Variants in KNDC1 observed in about 807,000 individuals in gnomAD.
KNDC1 encodes the protein kinase non-catalytic C-lobe domain containing 1.
Under a neutral mutation model 172.8 loss-of-function variants are expected in KNDC1, and 106 were observed. That is an observed-to-expected ratio of 0.61 (90% CI 0.52 to 0.72). The LOEUF (loss-of-function observed/expected upper bound fraction) is 0.72, where lower values mean the gene tolerates loss of function less well. Among genes scored for constraint, KNDC1 ranks in the 30% least tolerant of loss-of-function variants. KNDC1 has a pLI of 0.00. For synonymous variants in KNDC1, 1,083 were observed against 1,062.2 expected (o/e 1.02, Z -0.38); for missense variants, 2,325 against 2,394.5 (o/e 0.97, Z 0.61).
chr10:133,193,213 C>G lies in KNDC1; in HGVS notation c.1576-2450C>G, dbSNP rs932895155. Among the ~76,000 whole-genome samples the G allele has an allele frequency of 3.3e-5, 5 of 152,260 alleles. No individual in the cohort carries two copies. The South Asian group carries it at 1.0e-3, about 32-fold the overall frequency. ...TTTCAACCCAGAAACCTATTTCCAG[C>G]AAAAATATCCTTCAGAAATTAAGGA... On this transcript the variant is annotated intron_variant, in intron 9 of 29. Transcript: ENST00000304613.
chr10:133,214,683 T>C (rs1370468796), intron 26 of KNDC1, among the ~76,000 whole-genome samples: 1 of 152,202 alleles, frequency 6.6e-6, no homozygotes, highest in Non-Finnish European at 1.5e-5. Flanking sequence ...CATTGTGGGT[T>C]CTTAGTCTGT....
intron 3 of KNDC1, among the ~76,000 whole-genome samples, chr10:133,170,115 G>A (rs190672967): frequency 3.2e-4 from 49 of 152,338 alleles, no homozygotes; most frequent in Non-Finnish European, 4.7e-4. Context: ...TATCCCGTCG[G>A]GTGAAACGCT....
In KNDC1 at chr10:133,226,087, G is replaced by C. The variant is rs752822130; in HGVS notation, c.*1197G>C. The C allele has an allele frequency of 6.6e-6, 1 of 152,244 alleles. No homozygotes were observed. The highest frequency in any genetic ancestry group is 2.4e-5 in the African/African-American group (1 of 41,466). 9.4% of individuals were successfully genotyped at this position (152,244 alleles called of 1,614,324 possible). On this transcript the variant is annotated 3_prime_UTR_variant, in exon 30 of 30. Transcript: ENST00000304613. ...GGAAAACTGTGACCTGTGACAAATCGCTGCATTTTTAATGTCAAGATGTGT... is the reference window on the plus strand; with the variant it reads ...GGAAAACTGTGACCTGTGACAAATCCCTGCATTTTTAATGTCAAGATGTGT...
chr10:133,165,453 C>T (rs1192079979), intron 1 of KNDC1, among the ~76,000 whole-genome samples: 2 of 152,108 alleles, frequency 1.3e-5, no homozygotes, highest in Non-Finnish European at 2.9e-5. Flanking sequence ...CTGTGAGTGA[C>T]AGCCAGAGGC....
chr10:133,222,456 T>C (rs1383531162), intron 29 of KNDC1, among the ~76,000 whole-genome samples: 41 of 84,836 alleles, frequency 4.8e-4, no homozygotes, highest in African/African-American at 1.4e-3. Context: ...CGTGTGTGTG[T>C]GTGTGTGAGA....
chr10:133,165,487 G>A (rs546479916), intron 1 of KNDC1, among the ~76,000 whole-genome samples: 4 of 152,176 alleles, frequency 2.6e-5, no homozygotes, highest in South Asian at 2.1e-4. Flanking sequence ...GCAGGGGGAC[G>A]GGGACCGGCT....
At chr10:133,196,081 C>T (rs1007352675) in intron 10 of KNDC1, among the ~76,000 whole-genome samples, 8 of 152,224 alleles carry the variant, frequency 5.3e-5, no homozygotes, top group South Asian at 2.1e-4. Flanking sequence ...GTTCCTCCTG[C>T]GGAGCCCGCT....
chr10:133,198,843 G>A lies in KNDC1; in HGVS notation c.2335G>A (p.Gly779Ser), dbSNP rs574241324. ...AGAGGGGGCCTCATCGGCAGCTCCC[G>A]GCTCTCCAGTCCCCGCCCCGCCCAC... ...QPEGASSAAP[G>S]SPVPAPPTKA... Residue 779 changes from glycine (G) to serine (S), a missense_variant, in exon 14 of 30, where the codon GGC becomes AGC. By Grantham distance (56) the Gly-to-Ser change is moderately conservative (BLOSUM62 0). Coordinates refer to ENST00000304613, the MANE Select transcript of KNDC1 (RefSeq NM_152643.8). 182 of 1,599,156 alleles carry A rather than the reference G, an allele frequency of 1.1e-4. No homozygotes were observed. In the South Asian group the frequency reaches 1.1e-3, roughly 10 times the overall value.
At position 133,201,549 on chromosome 10, in the gene KNDC1, C is replaced by T. The variant is rs1165669291; in HGVS notation, c.3038C>T (p.Ser1013Leu). 1 of 1,611,238 alleles carries T rather than the reference C, an allele frequency of 6.2e-7. No homozygotes were observed. The highest frequency in any genetic ancestry group is 8.5e-7 in the Non-Finnish European group (1 of 1,179,504). ...AGGACCAGCAGCAGGGCCCCCTGCTCACCCACCTCGGTGTCGGATGTGGAC... is the reference window on the plus strand; with the variant it reads ...AGGACCAGCAGCAGGGCCCCCTGCTTACCCACCTCGGTGTCGGATGTGGAC... ...MARTSSRAPCSPTSVSDVDSD... is the reference protein window; with the variant it reads ...MARTSSRAPCLPTSVSDVDSD... The change falls in exon 17 of 30, where the codon TCA becomes TTA. Residue 1013 changes from serine to leucine, a missense_variant. Transcript: ENST00000304613.
At chr10:133,182,251 T>TA (rs1853740255) in intron 3 of KNDC1, among the ~76,000 whole-genome samples, 1 of 151,772 alleles carries the variant, frequency 6.6e-6, no homozygotes. Context: ...TCTGTGACGA[T>TA]ATCTTGAGAC....
At chr10:133,221,961 C>A (rs911556508) in intron 29 of KNDC1, among the ~76,000 whole-genome samples, 15 of 68,094 alleles carry the variant, frequency 2.2e-4, no homozygotes, top group Non-Finnish European at 3.8e-4. Context: ...CTAGGTGGGC[C>A]GGGCTGGGTG....
intron 5 of KNDC1, among the ~76,000 whole-genome samples, chr10:133,185,753 G>A (rs1327799197): frequency 6.8e-6 from 1 of 146,894 alleles, no homozygotes; most frequent in African/African-American, 2.5e-5. Flanking sequence ...TAGCCAGGAT[G>A]ACCTGATGAG....
At chr10:133,196,719 G>C (rs1854201368) in intron 10 of KNDC1, among the ~76,000 whole-genome samples, 2 of 152,190 alleles carry the variant, frequency 1.3e-5, no homozygotes, top group African/African-American at 4.8e-5. Context: ...AGCTTATAAA[G>C]GGAGGACAGG....
intron 3 of KNDC1, among the ~76,000 whole-genome samples, chr10:133,175,404 GGTGA>G (rs1186578815): frequency 1.7e-5 from 1 of 58,742 alleles, no homozygotes; most frequent in Non-Finnish European, 5.5e-5. Flanking sequence ...TGGATGAATG[GGTGA>G]GTGGGTGGAT....
rs778368076 is a variant in KNDC1 at position 133,224,751 on chromosome 10, A to G, written c.5111A>G (p.Gln1704Arg). 5.0e-6 allele frequency: 8 copies of G among 1,614,106 alleles called. No homozygotes were observed. Among genetic ancestry groups the G allele is most frequent in the South Asian group, 1.1e-5 (1 of 91,078 alleles). ...CCCAAGCTCCAGTCGTACCTCAAGC[A>G]GAGGATTGCCCGCTTCAGCGGTGCC... ...PDPKLQSYLK[Q>R]RIARFSGADI... Residue 1704 changes from glutamine (Q) to arginine (R), a missense_variant, in exon 30 of 30, where the codon CAG becomes CGG. By Grantham distance (43) the Gln-to-Arg change is conservative. Transcript: ENST00000304613. The surrounding 1 kb of genome is among the most constrained non-coding windows in gnomAD (Gnocchi z 5.4).
intron 3 of KNDC1, among the ~76,000 whole-genome samples, chr10:133,182,854 T>TGTGGGCGTGGGTGGC (rs1448741033): frequency 1.4e-5 from 2 of 141,316 alleles, no homozygotes; most frequent in African/African-American, 5.4e-5. Flanking sequence ...GCGCAGGTGG[T>TGTGGGCGTGGGTGGC]GTGGGCGTGG....
At chr10:133,178,380 C>T (rs1853618371) in intron 3 of KNDC1, among the ~76,000 whole-genome samples, 2 of 152,136 alleles carry the variant, frequency 1.3e-5, no homozygotes, top group Admixed American at 6.5e-5. Flanking sequence ...TTTAAACATA[C>T]AGAAAAGAGA....
chr10:133,211,719 T>G lies in KNDC1; in HGVS notation c.4097T>G (p.Leu1366Arg). The change falls in exon 23 of 30, where the codon CTC becomes CGC. Residue 1366 changes from leucine to arginine, a missense_variant. By Grantham distance (102) the Leu-to-Arg change is moderately radical. Coordinates refer to ENST00000304613, the MANE Select transcript of KNDC1 (RefSeq NM_152643.8). ...GGCTCTGCCAAGCACCTGCTGGGCC[T>G]CCTGGAGGTGGGCATGGACCGGCGG... ...LDGSAKHLLG[L>R]LEVGMDRRAE... The G allele has an allele frequency of 6.2e-7, 1 of 1,607,802 alleles. No homozygotes were observed.
At chr10:133,214,206 C>A in intron 26 of KNDC1, 84 bp downstream of exon 26, 1 of 1,458,042 alleles carries the variant, frequency 6.9e-7, no homozygotes, top group South Asian at 1.2e-5. Context: ...AAGGCCGTGG[C>A]CTGAACCCTC....
Sources: allele counts gnomAD v4.1 joint callset (sites outside exome capture counted in the v4.1 genomes callset), GRCh38; gene constraint gnomAD v4.1.1; non-coding constraint Gnocchi (gnomAD v3.1); transcripts MANE v1.5; gene names NCBI Gene and HGNC (gene_info 2026-07-23, HGNC 2026-07-21).